Variants in SPDEF observed in about 807,000 individuals in gnomAD.
SPDEF encodes the protein SAM pointed domain-containing Ets transcription factor.
SPDEF carries 12 observed loss-of-function variants against 36.0 expected under a neutral mutation model. That is an observed-to-expected ratio of 0.33 (90% CI 0.21 to 0.54). SPDEF has a LOEUF of 0.54. Ranked by LOEUF, SPDEF falls within the 20% of genes least tolerant of loss-of-function variation. The pLI, the probability that SPDEF is intolerant of heterozygous loss-of-function variation, is 0.93. For synonymous variants in SPDEF, 205 were observed against 193.0 expected (o/e 1.06, Z -0.51); for missense variants, 388 against 456.9 (o/e 0.85, Z 1.37).
chr6:34,539,156 T>C lies in SPDEF; in HGVS notation c.829+94A>G. ...AAGGTGGGGATCAGCTTCACCCCTC[T>C]GCCCGCCCCTGCCCCCATGCACCGT... is the stretch of plus-strand genomic sequence containing the variant. On this transcript the variant is annotated intron_variant, in intron 5 of 5. Transcript: ENST00000374037. The surrounding 1 kb of genome is among the most constrained non-coding windows in gnomAD (Gnocchi z 5.2). 1.4e-6 allele frequency: 2 copies of C among 1,447,058 alleles called. No homozygotes were observed. The highest frequency in any genetic ancestry group is 1.9e-6 in the Non-Finnish European group (2 of 1,058,566). The allele number at this position is 1,447,058 out of a possible 1,614,324, so 89.6% of individuals were successfully genotyped here.
rs1304415867 is a variant in SPDEF, at chr6:34,539,540, A to G, written c.657T>C (p.Thr219=). Residue 219 remains threonine, a synonymous_variant, in exon 4 of 6, where the codon ACT becomes ACC. Coordinates refer to ENST00000374037, the MANE Select transcript of SPDEF (RefSeq NM_012391.3). This position sits in a 1 kb window ranked among gnomAD's most constrained non-coding sequence, Gnocchi z 5.2. ...WKSAAWMKER[T]SPGAIHYCAS... ...CACAGTAGTGAATCGCCCCAGGTGA[A>G]GTCCGCTCTTTCATCCAGGCCGCTG... The G allele has an allele frequency of 2.6e-5, 41 of 1,573,676 alleles. No homozygotes were observed. The highest frequency in any genetic ancestry group is 3.3e-5 in the Non-Finnish European group (38 of 1,160,352).
At chr6:34,545,934 G>A (rs752810163) in intron 1 of SPDEF, among the ~76,000 whole-genome samples, 9 of 151,308 alleles carry the variant, frequency 5.9e-5, no homozygotes, top group Non-Finnish European at 7.4e-5. Context: ...CAAAACACAC[G>A]CACACACACA....
intron 1 of SPDEF, among the ~76,000 whole-genome samples, chr6:34,545,643 C>T (rs1355556225): frequency 6.6e-6 from 1 of 152,246 alleles, no homozygotes; most frequent in African/African-American, 2.4e-5. Context: ...AGTGCAGTAG[C>T]TCGTGACTGT....
intron 1 of SPDEF, among the ~76,000 whole-genome samples, chr6:34,551,060 A>ATGACCTGCTGT (rs1241315635): frequency 4.6e-5 from 7 of 152,188 alleles, no homozygotes; most frequent in African/African-American, 1.7e-4. Flanking sequence ...TTGACGGACA[A>ATGACCTGCTGT]GGGCGCTGTG....
At chr6:34,540,913 A>G in intron 3 of SPDEF, 71 bp downstream of exon 3, 1 of 1,456,690 alleles carries the variant, frequency 6.9e-7, no homozygotes, top group East Asian at 2.4e-5. Flanking sequence ...GCAGAGGGCA[A>G]CCTCCTAGCC....
At chr6:34,546,218 G>A (rs978481599) in intron 1 of SPDEF, among the ~76,000 whole-genome samples, 3 of 152,202 alleles carry the variant, frequency 2.0e-5, no homozygotes, top group East Asian at 1.9e-4. Context: ...GGGAGACTCC[G>A]CAGTCTGGTT....
At chr6:34,550,354 C>T (rs1768033173) in intron 1 of SPDEF, among the ~76,000 whole-genome samples, 1 of 152,234 alleles carries the variant, frequency 6.6e-6, no homozygotes, top group South Asian at 2.1e-4. Flanking sequence ...CAGAGCACCA[C>T]TTCTGCCCGC....
Position 34,538,426 on chromosome 6 carries a change from G to T in SPDEF, c.856C>A (p.Gln286Lys), listed in dbSNP as rs1377171237. Residue 286 changes from glutamine to lysine, a missense_variant, in exon 6 of 6, where the codon CAG (glutamine) becomes AAG (lysine). Gln to Lys is a moderately conservative substitution (Grantham distance 53, BLOSUM62 1). Around this residue, in one of 2 missense-constraint regions of SPDEF, gnomAD observed 80 missense variants for 130.8 expected, o/e 0.61. Coordinates refer to ENST00000374037, the MANE Select transcript of SPDEF (RefSeq NM_012391.3). The surrounding 1 kb of genome is among the most constrained non-coding windows in gnomAD (Gnocchi z 5.9). ...KGIFKIEDSA[Q>K]VARLWGIRKN... The stretch of plus-strand genomic sequence containing the variant: ...CGGATGCCCCACAGCCGGGCCACCT[G>T]GGCTGAGTCCTCAATTTTGAAGATG... 1 of 1,613,648 alleles carries T rather than the reference G, an allele frequency of 6.2e-7. No individual in the cohort carries two copies. Among genetic ancestry groups the T allele is most frequent in the African/African-American group, 1.3e-5 (1 of 74,930 alleles).
chr6:34,550,367 G>A (rs1316867468), intron 1 of SPDEF, among the ~76,000 whole-genome samples: 1 of 152,136 alleles, frequency 6.6e-6, no homozygotes, highest in Non-Finnish European at 1.5e-5. Context: ...CTGCCCGCTG[G>A]ACAGACCACC....
At chr6:34,547,662 T>G (rs556273687) in intron 1 of SPDEF, among the ~76,000 whole-genome samples, 1 of 152,310 alleles carries the variant, frequency 6.6e-6, no homozygotes, top group African/African-American at 2.4e-5. Flanking sequence ...CTACCTCATC[T>G]GGCCCAGGTC....
Position 34,541,269 on chromosome 6 carries a change from GA to G in SPDEF, c.437-89del, listed in dbSNP as rs921236248. The stretch of plus-strand genomic sequence containing the variant: ...GCACCCATGGGAACCTGTGGCCTGA[GA>G]CCATGTGCTCTTGGGGATGGGGATA... On this transcript the variant is annotated intron_variant, in intron 2 of 5. Transcript: ENST00000374037. 15 of 1,326,328 alleles carry G rather than the reference GA, an allele frequency of 1.1e-5. No individual in the cohort carries two copies. In the African/African-American group the frequency reaches 1.7e-4, roughly 15 times the overall value. 82.2% of individuals were successfully genotyped at this position (1,326,328 alleles called of 1,614,324 possible).
At position 34,552,324 on chromosome 6, in the gene SPDEF, A is replaced by T. The variant is rs1768078607; in HGVS notation, c.-30+3605T>A. 6.6e-6 allele frequency among the ~76,000 whole-genome samples: 1 copy of T among 152,222 alleles called. No individual in the cohort carries two copies. Among genetic ancestry groups the T allele is most frequent in the Non-Finnish European group, 1.5e-5 (1 of 68,050 alleles). ...GCAGGGTCGTTGAGGGCATGAGAAC[A>T]CACGGATGTCACCGGAGCTCTGCTG... On this transcript the variant is annotated intron_variant, in intron 1 of 5. Transcript: ENST00000374037. The surrounding 1 kb of genome is among the most constrained non-coding windows in gnomAD (Gnocchi z 4.6).
intron 3 of SPDEF, 51 bp downstream of exon 3, chr6:34,540,933 T>A (rs772929649): frequency 3.9e-6 from 6 of 1,553,452 alleles, no homozygotes; most frequent in Non-Finnish European, 5.3e-6. Context: ...CAGCATCCTG[T>A]CCCTGGCTTG....
chr6:34,553,314 A>T (rs768977870), intron 1 of SPDEF, among the ~76,000 whole-genome samples: 11 of 151,952 alleles, frequency 7.2e-5, no homozygotes, highest in Non-Finnish European at 1.5e-4. Context: ...ATTAAATGTC[A>T]GGAAGAGCCC....
In SPDEF at chr6:34,552,832, G is replaced by A. The variant is rs1220796711; in HGVS notation, c.-30+3097C>T. On this transcript the variant is annotated intron_variant, in intron 1 of 5. Transcript: ENST00000374037. The surrounding 1 kb of genome is among the most constrained non-coding windows in gnomAD (Gnocchi z 4.6). ...GGGTTATTAAGGGGTTATCAGGACC[G>A]GTTCCCACCTGTGAAGTGTCAGCAG... Among the ~76,000 whole-genome samples, 2 of 152,160 alleles carry A rather than the reference G, an allele frequency of 1.3e-5. No individual in the cohort carries two copies. The highest frequency in any genetic ancestry group is 6.5e-5 in the Admixed American group (1 of 15,282).
chr6:34,543,592 G>A (rs183233725), intron 2 of SPDEF, among the ~76,000 whole-genome samples: 49 of 152,336 alleles, frequency 3.2e-4, no homozygotes, highest in African/African-American at 1.1e-3. Context: ...TGCGGATGGT[G>A]CCATCTGAGC....
In SPDEF at chr6:34,544,023, C is replaced by A. The variant is rs756493367; in HGVS notation, c.433G>T (p.Ala145Ser). Residue 145 changes from alanine to serine, a missense_variant, in exon 2 of 6, where the codon GCA (alanine) becomes TCA (serine). Coordinates refer to ENST00000374037, the MANE Select transcript of SPDEF (RefSeq NM_012391.3). This position sits in a 1 kb window ranked among gnomAD's most constrained non-coding sequence, Gnocchi z 4.4. ...ETACKLLNIT[A>S]DPMDWSPSNV... ...CAGGCACATGGAGAGGGCTCACCTG[C>A]GGTGATGTTGAGCAGCTTGCAGGCC... The A allele has an allele frequency of 1.2e-6, 2 of 1,609,542 alleles. No homozygotes were observed. The highest frequency in any genetic ancestry group is 1.7e-6 in the Non-Finnish European group (2 of 1,178,550).
intron 2 of SPDEF, among the ~76,000 whole-genome samples, chr6:34,543,343 C>T (rs1767869275): frequency 6.6e-6 from 1 of 151,938 alleles, no homozygotes; most frequent in South Asian, 2.1e-4. Flanking sequence ...ATGAAAATCC[C>T]TGCCTTTGTG....
intron 1 of SPDEF, among the ~76,000 whole-genome samples, chr6:34,551,788 G>A (rs760561408): frequency 2.0e-4 from 31 of 152,076 alleles, no homozygotes; most frequent in Admixed American, 6.5e-5. Flanking sequence ...CATCAGGCCT[G>A]GCTCCCACCC....
Sources: allele counts gnomAD v4.1 joint callset (sites outside exome capture counted in the v4.1 genomes callset), GRCh38; gene constraint gnomAD v4.1.1; regional missense constraint gnomAD v4.1.1; non-coding constraint Gnocchi (gnomAD v3.1); transcripts MANE v1.5; gene names NCBI Gene and HGNC (gene_info 2026-07-23, HGNC 2026-07-21).